Variants in PLBD2 observed in about 807,000 individuals in gnomAD.
PLBD2 encodes the protein putative aminopeptidase PLBD2.
A neutral mutation model predicts 68.3 loss-of-function variants in PLBD2; 51 were observed. That is an observed-to-expected ratio of 0.75 (90% CI 0.60 to 0.94). The LOEUF (loss-of-function observed/expected upper bound fraction) is 0.94, where lower values mean the gene tolerates loss of function less well. Ranked by LOEUF, PLBD2 falls within the 40% of genes least tolerant of loss-of-function variation. The pLI is 0.00. For missense variants in PLBD2, 729 were observed against 792.2 expected (o/e 0.92, Z 0.96); for synonymous variants, 314 against 339.3 (o/e 0.93, Z 0.82).
At position 113,380,951 on chromosome 12, in the gene PLBD2, T is replaced by C. The variant is rs946850380; in HGVS notation, c.957+109T>C. The C allele has an allele frequency of 1.1e-5, 12 of 1,073,522 alleles. No individual in the cohort carries two copies. The African/African-American group carries it at 1.7e-4, about 15-fold the overall frequency. The allele number at this position is 1,073,522 out of a possible 1,614,324, so 66.5% of individuals were successfully genotyped here. On this transcript the variant is annotated intron_variant, in intron 6 of 11. Coordinates refer to ENST00000280800, the MANE Select transcript of PLBD2 (RefSeq NM_173542.4). Reference sequence around the variant, plus strand: ...AAGTGGGGACCAGGCTGCAGCCCAGTGCTGGGTGCCATGTAGGAGCCAGGG... The same window carrying C: ...AAGTGGGGACCAGGCTGCAGCCCAGCGCTGGGTGCCATGTAGGAGCCAGGG...
chr12:113,364,438 C>T (rs1281855586), intron 1 of PLBD2, among the ~76,000 whole-genome samples: 5 of 151,436 alleles, frequency 3.3e-5, no homozygotes, highest in South Asian at 2.1e-4. Context: ...TCACACTCGC[C>T]GGGTCTCCTC....
At chr12:113,375,803 G>T (rs942637926) in intron 5 of PLBD2, among the ~76,000 whole-genome samples, 2 of 152,162 alleles carry the variant, frequency 1.3e-5, no homozygotes, top group African/African-American at 2.4e-5. Context: ...TGTAGCACTG[G>T]GGCAGGATAT....
At chr12:113,376,303 A>T (rs920088493) in intron 5 of PLBD2, among the ~76,000 whole-genome samples, 1 of 151,404 alleles carries the variant, frequency 6.6e-6, no homozygotes, top group African/African-American at 2.4e-5. Context: ...AGCTGGGATT[A>T]TAGGCGCGCA....
In PLBD2 at chr12:113,380,691, G is replaced by A. The variant is rs1957479975; in HGVS notation, c.860-54G>A. ...TGTGTCTTGTTAGGTAGGGTGCAGG[G>A]GCCTCCACCTGTGCCTGTCTGACCA... On this transcript the variant is annotated intron_variant, in intron 5 of 11. Coordinates refer to ENST00000280800, the MANE Select transcript of PLBD2 (RefSeq NM_173542.4). 7 of 1,421,710 alleles carry A rather than the reference G, an allele frequency of 4.9e-6. No individual in the cohort carries two copies. The South Asian group carries it at 8.6e-5, about 17-fold the overall frequency. The allele number at this position is 1,421,710 out of a possible 1,614,324, so 88.1% of individuals were successfully genotyped here.
At chr12:113,388,066 G>A (rs1957570853) in intron 11 of PLBD2, among the ~76,000 whole-genome samples, 160 bp downstream of exon 11, 1 of 152,196 alleles carries the variant, frequency 6.6e-6, no homozygotes, top group Admixed American at 6.5e-5. Context: ...TATGGGCTGG[G>A]CACGGTGGCT....
intron 2 of PLBD2, 32 bp downstream of exon 2, chr12:113,369,241 ACCCTGC>A: frequency 2.0e-6 from 3 of 1,494,354 alleles, no homozygotes; most frequent in Non-Finnish European, 2.7e-6. Flanking sequence ...TGGGGCTCCC[ACCCTGC>A]CCCAGCCCCA....
At chr12:113,377,182 C>T (rs890075571) in intron 5 of PLBD2, 2 of 152,218 alleles carry the variant, frequency 1.3e-5, no homozygotes, top group African/African-American at 4.8e-5. Context: ...TCTGCTATCA[C>T]AGTGGTTTGG....
Position 113,372,672 on chromosome 12 carries a change from C to T in PLBD2, c.408C>T (p.Asn136=). ...SEELIYMHWM[N]TVVNYCGPFE... Reference sequence around the variant, plus strand: ...AGCTCATCTACATGCACTGGATGAACACGGTGGTGAATTACTGCGGCCCCT... The same window carrying T: ...AGCTCATCTACATGCACTGGATGAATACGGTGGTGAATTACTGCGGCCCCT... The change falls in exon 3 of 12, where the codon AAC becomes AAT. Residue 136 remains asparagine, a synonymous_variant. Coordinates refer to ENST00000280800, the MANE Select transcript of PLBD2 (RefSeq NM_173542.4). This position sits in a 1 kb window ranked among gnomAD's most constrained non-coding sequence, Gnocchi z 4.2. 1 of 1,609,718 alleles carries T rather than the reference C, an allele frequency of 6.2e-7. No homozygotes were observed. Among genetic ancestry groups the T allele is most frequent in the East Asian group, 2.2e-5 (1 of 44,654 alleles).
chr12:113,373,153 C>T (rs1169210496), intron 3 of PLBD2, among the ~76,000 whole-genome samples: 1 of 152,188 alleles, frequency 6.6e-6, no homozygotes, highest in East Asian at 1.9e-4. Flanking sequence ...CAAGTAAAGA[C>T]AGTATGAGAA....
chr12:113,370,396 T>C (rs1490563578), intron 2 of PLBD2, among the ~76,000 whole-genome samples: 6 of 151,954 alleles, frequency 3.9e-5, no homozygotes, highest in Admixed American at 3.9e-4. Flanking sequence ...TTTATTATCA[T>C]GCTTCATAAC....
At chr12:113,365,424 A>G (rs1957334229) in intron 1 of PLBD2, among the ~76,000 whole-genome samples, 1 of 151,246 alleles carries the variant, frequency 6.6e-6, no homozygotes, top group South Asian at 2.1e-4. Flanking sequence ...CAAGCGATTC[A>G]TGCCTCAGTC....
chr12:113,383,331 T>C (rs1957514884), intron 6 of PLBD2, among the ~76,000 whole-genome samples: 1 of 152,200 alleles, frequency 6.6e-6, no homozygotes, highest in African/African-American at 2.4e-5. Flanking sequence ...GGAGCGGCTC[T>C]TTGGGCCTCT....
intron 5 of PLBD2, among the ~76,000 whole-genome samples, chr12:113,379,345 CAG>C (rs1957464050): frequency 4.8e-5 from 7 of 146,992 alleles, no homozygotes; most frequent in Non-Finnish European, 9.0e-5. Context: ...AAGGATAATT[CAG>C]AGAGCTACAC....
At chr12:113,369,318 C>A in intron 2 of PLBD2, 109 bp downstream of exon 2, 1 of 749,512 alleles carries the variant, frequency 1.3e-6, no homozygotes, top group Non-Finnish European at 2.0e-6. Context: ...ACTCCTGCCA[C>A]AGCCCTTCAT....
intron 10 of PLBD2, 24 bp from the exon 11 acceptor site, chr12:113,387,720 T>A: frequency 6.2e-7 from 1 of 1,608,330 alleles, no homozygotes; most frequent in Non-Finnish European, 8.5e-7. Context: ...GGATGACTGA[T>A]GTTCCCTCCT....
rs913745341 is a variant in PLBD2, at chr12:113,363,156, C to T, written c.290+4266C>T. The stretch of plus-strand genomic sequence containing the variant: ...ACACACTCTAAAGTGTTTTTCTGGC[C>T]GGGCGCTGTGGCTTGTGCCTGTAAT... On this transcript the variant is annotated intron_variant, in intron 1 of 11. Transcript: ENST00000280800. Among the ~76,000 whole-genome samples the T allele has an allele frequency of 4.0e-5, 6 of 150,924 alleles. No homozygotes were observed. The East Asian group carries it at 6.1e-4, about 15-fold the overall frequency.
rs1358255192 is a variant in PLBD2 at position 113,380,787 on chromosome 12, C to G, written c.902C>G (p.Ser301Cys). 2 of 1,556,060 alleles carry G rather than the reference C, an allele frequency of 1.3e-6. No homozygotes were observed. The highest frequency in any genetic ancestry group is 1.7e-6 in the Non-Finnish European group (2 of 1,149,632). The change falls in exon 6 of 12, where the codon TCC becomes TGC. Residue 301 changes from serine to cysteine, a missense_variant. Coordinates refer to ENST00000280800, the MANE Select transcript of PLBD2 (RefSeq NM_173542.4). ...LVPGNKLVFS[S>C]YPGTIFSCDD... ...CCCGGCAACAAGCTGGTCTTCTCCT[C>G]CTACCCCGGCACCATCTTCTCCTGC...
At chr12:113,381,925 C>T (rs140606499) in intron 6 of PLBD2, among the ~76,000 whole-genome samples, 135 of 152,218 alleles carry the variant, frequency 8.9e-4, no homozygotes, top group African/African-American at 2.6e-3. Context: ...TGGGTTCAGG[C>T]GATCCTCCTG....
At chr12:113,361,046 AAC>A (rs1957288593) in intron 1 of PLBD2, among the ~76,000 whole-genome samples, 1 of 152,128 alleles carries the variant, frequency 6.6e-6, no homozygotes, top group South Asian at 2.1e-4. Context: ...ATAGGCAGGA[AAC>A]TGAGGTCCTC....
Sources: gnomAD v4.1 joint callset for allele counts (sites outside exome capture counted in the v4.1 genomes callset) on GRCh38, gnomAD v4.1.1 for gene constraint, Gnocchi (gnomAD v3.1) non-coding constraint, MANE v1.5 for transcripts, NCBI Gene and HGNC (gene_info 2026-07-23, HGNC 2026-07-21) for gene names.